Variants in PSD2 observed in about 807,000 individuals in gnomAD.
The protein encoded by PSD2 is PH and SEC7 domain-containing protein 2.
PSD2 carries 38 observed loss-of-function variants against 69.8 expected under a neutral mutation model. The observed-to-expected ratio is 0.54, with a 90% CI of 0.42 to 0.71. The LOEUF (loss-of-function observed/expected upper bound fraction) is 0.71, where lower values mean the gene tolerates loss of function less well. Ranked by LOEUF, PSD2 falls within the 30% of genes least tolerant of loss-of-function variation. The probability of loss-of-function intolerance (pLI) is 0.00; values close to 1 mark genes in which losing one functional copy is unlikely to be tolerated. For synonymous variants in PSD2, 412 were observed against 423.0 expected (o/e 0.97, Z 0.32); for missense variants, 943 against 1,014.5 (o/e 0.93, Z 0.96).
the PSD2 span, among the ~76,000 whole-genome samples, chr5:139,780,028 C>T: frequency 1.2e-4 from 19 of 152,198 alleles, no homozygotes; most frequent in African/African-American, 4.6e-4. Flanking sequence ...TTCATTTTTT[C>T]TTGGGGACTC....
Position 139,840,167 on chromosome 5 carries a change from C to G in PSD2, c.2109C>G (p.Phe703Leu). The G allele has an allele frequency of 6.2e-7, 1 of 1,613,832 alleles. No homozygotes were observed. The highest frequency in any genetic ancestry group is 2.2e-5 in the East Asian group (1 of 44,874). The change falls in exon 14 of 15, where the codon TTC (phenylalanine) becomes TTG (leucine). Residue 703 changes from phenylalanine to leucine, a missense_variant. Coordinates refer to ENST00000274710, the MANE Select transcript of PSD2 (RefSeq NM_032289.4). ...GGTTGAAGGAGCACTATCTCACCTT[C>G]GAGGTGAGCCTTGGGGGACTGGATT... ...EYRLKEHYLT[F>L]EKSRYETYIH... is the part of the protein sequence containing the mutation.
At chr5:139,788,015 TAGG>T in the PSD2 span, among the ~76,000 whole-genome samples, 3 of 152,180 alleles carry the variant, frequency 2.0e-5, no homozygotes, top group Non-Finnish European at 2.9e-5. Flanking sequence ...GGTGCTGCGG[TAGG>T]AGGATGACCC....
chr5:139,800,933 G>A (rs767966791), intron 1 of PSD2, among the ~76,000 whole-genome samples: 25 of 152,110 alleles, frequency 1.6e-4, no homozygotes, highest in Non-Finnish European at 2.9e-4. Context: ...GGCTGGGCAC[G>A]GCGGCTCACA....
intron 9 of PSD2, among the ~76,000 whole-genome samples, chr5:139,836,555 C>T (rs972586301): frequency 2.2e-4 from 33 of 152,166 alleles, no homozygotes; most frequent in South Asian, 8.3e-4. Flanking sequence ...CGTTTGTGAT[C>T]AAGGGTGACA....
At chr5:139,790,154 C>T in the PSD2 span, among the ~76,000 whole-genome samples, 4 of 151,984 alleles carry the variant, frequency 2.6e-5, no homozygotes, top group Non-Finnish European at 4.4e-5. Flanking sequence ...CACGGGAGCT[C>T]GCGCCTGTAA....
Position 139,836,845 on chromosome 5 carries a change from C to T in PSD2, c.1438C>T (p.Leu480=). The change falls in exon 10 of 15, where the codon CTG becomes TTG. Residue 480 remains leucine, a synonymous_variant. Coordinates refer to ENST00000274710, the MANE Select transcript of PSD2 (RefSeq NM_032289.4). ...TGAGCTGAGGAAATCCCTGTCTGAG[C>T]TGGTGGATGACAAGTTCGGGACAGG... ...EDELRKSLSE[L]VDDKFGTGTK... The T allele has an allele frequency of 6.2e-7, 1 of 1,614,136 alleles. No individual in the cohort carries two copies. The highest frequency in any genetic ancestry group is 8.5e-7 in the Non-Finnish European group (1 of 1,180,004).
At position 139,841,109 on chromosome 5, in the gene PSD2, A is replaced by G. The variant is rs573239188; in HGVS notation, c.2112+939A>G. 3.1e-4 allele frequency among the ~76,000 whole-genome samples: 47 copies of G among 152,024 alleles called. No individual in the cohort carries two copies. In the East Asian group the frequency reaches 5.4e-3, roughly 18 times the overall value. ...ACTCTCTGCCTCTATGATTTTGACT[A>G]CTCTAAGTGGAATCCTACAGAATTC... On this transcript the variant is annotated intron_variant, in intron 14 of 14. Transcript: ENST00000274710.
chr5:139,771,568 T>C, the PSD2 span, among the ~76,000 whole-genome samples: 8 of 151,992 alleles, frequency 5.3e-5, no homozygotes, highest in African/African-American at 1.9e-4. Context: ...TTAGTAGAGA[T>C]GGGGTTTCAC....
chr5:139,822,876 T>G, intron 7 of PSD2, 92 bp downstream of exon 7: 1 of 1,144,530 alleles, frequency 8.7e-7, no homozygotes, highest in Non-Finnish European at 1.2e-6. Context: ...TCTTACTCAG[T>G]GGCCGGGCTT....
Position 139,838,750 on chromosome 5 carries a change from C to T in PSD2, c.1946C>T (p.Ser649Phe), listed in dbSNP as rs1561609655. The change falls in exon 13 of 15, where the codon TCC becomes TTC. Residue 649 changes from serine (S) to phenylalanine (F), a missense_variant. Transcript: ENST00000274710. The part of the protein sequence containing the change: ...MKKFCRPLLP[S>F]CTTRLCQEEQ... ...AAGTTCTGTCGGCCCCTGCTGCCCT[C>T]CTGCACCACCCGCCTCTGCCAGGTA... 1 of 1,612,890 alleles carries T rather than the reference C, an allele frequency of 6.2e-7. No homozygotes were observed. Among genetic ancestry groups the T allele is most frequent in the Non-Finnish European group, 8.5e-7 (1 of 1,179,440 alleles).
Position 139,814,220 on chromosome 5 carries a change from G to A in PSD2, c.872G>A (p.Ser291Asn). ...TCAGACTCAGACTCTGAGCTCAGCAGCTCGGAGGGGTTGGAGCCTGGTAGT... is the reference window on the plus strand; with the variant it reads ...TCAGACTCAGACTCTGAGCTCAGCAACTCGGAGGGGTTGGAGCCTGGTAGT... ...GLSDSDSELS[S>N]SEGLEPGSAD... is the part of the protein sequence containing the mutation. The change falls in exon 4 of 15, where the codon AGC becomes AAC. Residue 291 changes from serine to asparagine, a missense_variant. By Grantham distance (46) the Ser-to-Asn change is conservative. Around this residue, in one of 3 missense-constraint regions of PSD2, gnomAD observed 466 missense variants for 445.0 expected, o/e 1.05. Transcript: ENST00000274710. This position sits in a 1 kb window ranked among gnomAD's most constrained non-coding sequence, Gnocchi z 4.4. 1 of 1,613,882 alleles carries A rather than the reference G, an allele frequency of 6.2e-7. No individual in the cohort carries two copies. The highest frequency in any genetic ancestry group is 1.3e-5 in the African/African-American group (1 of 75,032).
the PSD2 span, among the ~76,000 whole-genome samples, chr5:139,753,543 C>G: frequency 6.6e-6 from 1 of 152,216 alleles, no homozygotes; most frequent in East Asian, 1.9e-4. Context: ...CATCCTGACC[C>G]CTCACTTTTG....
chr5:139,745,892 C>CA, the PSD2 span, among the ~76,000 whole-genome samples: 6 of 152,196 alleles, frequency 3.9e-5, no homozygotes, highest in Non-Finnish European at 7.4e-5. Flanking sequence ...ACAAGACCGA[C>CA]ACCGCCAGGT....
intron 7 of PSD2, among the ~76,000 whole-genome samples, chr5:139,830,345 C>CT (rs755605094): frequency 0.019 from 2,240 of 116,516 alleles, 25 homozygotes; most frequent in African/African-American, 0.031. Flanking sequence ...TGATAGTGTT[C>CT]TTTTTTTTTT....
At chr5:139,815,512 C>T (rs1485910145) in intron 4 of PSD2, among the ~76,000 whole-genome samples, 1 of 152,148 alleles carries the variant, frequency 6.6e-6, no homozygotes, top group Non-Finnish European at 1.5e-5. Flanking sequence ...CCCTTTCTTT[C>T]TCCACACTCA....
In PSD2 at chr5:139,821,976, A is replaced by G. The variant is rs1349814323; in HGVS notation, c.1181A>G (p.Gln394Arg). The G allele has an allele frequency of 6.2e-7, 1 of 1,609,180 alleles. No individual in the cohort carries two copies. The highest frequency in any genetic ancestry group is 8.5e-7 in the Non-Finnish European group (1 of 1,177,272). The change falls in exon 6 of 15, where the codon CAG becomes CGG. Residue 394 changes from glutamine to arginine, a missense_variant. By Grantham distance (43) the Gln-to-Arg change is conservative. Transcript: ENST00000274710. Reference protein sequence around the residue: ...VLTHFSRRYCQCNPDDSTSED... With the variant: ...VLTHFSRRYCRCNPDDSTSED... ...ACACACTTCTCCCGCCGGTACTGCCAGTGCAACCCTGATGACAGCACTTCG... is the reference window on the plus strand; with the variant it reads ...ACACACTTCTCCCGCCGGTACTGCCGGTGCAACCCTGATGACAGCACTTCG...
In PSD2 at chr5:139,838,615, C is replaced by A. The variant is rs551007881; in HGVS notation, c.1824-13C>A. 33 of 1,608,786 alleles carry A rather than the reference C, an allele frequency of 2.1e-5. No homozygotes were observed. The highest frequency in any genetic ancestry group is 2.6e-5 in the Non-Finnish European group (30 of 1,175,940). ...TGTGAGAGGCCGGCACCCTCTCCCC[C>A]TCCTGTCCCCAGGAGCAAGGAAGAA... On this transcript the variant is annotated splice_polypyrimidine_tract_variant and intron_variant, in intron 12 of 14. Coordinates refer to ENST00000274710, the MANE Select transcript of PSD2 (RefSeq NM_032289.4).
the PSD2 span, among the ~76,000 whole-genome samples, chr5:139,751,253 G>T: frequency 6.6e-6 from 1 of 152,118 alleles, no homozygotes; most frequent in African/African-American, 2.4e-5. Context: ...TGCCTGAGAG[G>T]GGGGCGGAGG....
At chr5:139,813,872 G>A in intron 3 of PSD2, 114 bp downstream of exon 3, 1 of 891,170 alleles carries the variant, frequency 1.1e-6, no homozygotes, top group Non-Finnish European at 1.7e-6. Flanking sequence ...CCCTCTTCAA[G>A]GTCACCTGGT....
Sources: gnomAD v4.1 joint callset for allele counts (sites outside exome capture counted in the v4.1 genomes callset) on GRCh38, gnomAD v4.1.1 for gene constraint, gnomAD v4.1.1 regional missense constraint, Gnocchi (gnomAD v3.1) non-coding constraint, MANE v1.5 for transcripts, NCBI Gene and HGNC (gene_info 2026-07-23, HGNC 2026-07-21) for gene names.